The following MBOAT1 variants were observed in gnomAD, a reference collection of about 807,000 sequenced individuals.
MBOAT1 encodes membrane bound glycerophospholipid O-acyltransferase 1.
A neutral mutation model predicts 64.4 loss-of-function variants in MBOAT1; 67 were observed. The ratio of observed to expected loss-of-function variants is 1.04; its 90% confidence interval spans 0.85 to 1.27. MBOAT1 has a LOEUF of 1.27. Among genes scored for constraint, MBOAT1 ranks in the 50% most tolerant of loss-of-function variants. The pLI, the probability that MBOAT1 is intolerant of heterozygous loss-of-function variation, is 0.00. For synonymous variants in MBOAT1, 229 were observed against 218.9 expected (o/e 1.05, Z -0.41); for missense variants, 563 against 604.6 (o/e 0.93, Z 0.72).
At chr6:20,135,630 G>C (rs1038950844) in intron 4 of MBOAT1, among the ~76,000 whole-genome samples, 8 of 152,276 alleles carry the variant, frequency 5.3e-5, no homozygotes, top group African/African-American at 1.9e-4. Context: ...TCGGTTATTG[G>C]TGTCGGAAGA....
At chr6:20,113,420 G>T (rs968689032) in intron 10 of MBOAT1, among the ~76,000 whole-genome samples, 1 of 152,042 alleles carries the variant, frequency 6.6e-6, no homozygotes, top group African/African-American at 2.4e-5. Flanking sequence ...TCGGAATCAG[G>T]GTCTTTAGAA....
At chr6:20,205,304 G>C (rs142012634) in intron 1 of MBOAT1, among the ~76,000 whole-genome samples, 1 of 152,202 alleles carries the variant, frequency 6.6e-6, no homozygotes. Context: ...TATTAACTGA[G>C]AGAATGTATG....
intron 4 of MBOAT1, among the ~76,000 whole-genome samples, chr6:20,137,087 T>G (rs2113669705): frequency 6.6e-6 from 1 of 152,324 alleles, no homozygotes; most frequent in South Asian, 2.1e-4. Flanking sequence ...TTTGATTTCC[T>G]TATGGTAATT....
At chr6:20,181,462 T>C (rs1195151486) in intron 1 of MBOAT1, among the ~76,000 whole-genome samples, 6 of 152,198 alleles carry the variant, frequency 3.9e-5, no homozygotes, top group Non-Finnish European at 7.3e-5. Context: ...GGCCTTTGCG[T>C]CCATCTGTTT....
At chr6:20,150,723 C>A (rs1761467613) in intron 3 of MBOAT1, among the ~76,000 whole-genome samples, 1 of 149,086 alleles carries the variant, frequency 6.7e-6, no homozygotes, top group Non-Finnish European at 1.5e-5. Flanking sequence ...ACCACTACGC[C>A]CAGCTAATTT....
chr6:20,109,817 C>T, intron 11 of MBOAT1, 68 bp from the exon 12 acceptor site: 4 of 1,500,498 alleles, frequency 2.7e-6, no homozygotes, highest in Non-Finnish European at 3.6e-6. Flanking sequence ...TTACTCTGTG[C>T]ATGCAGATAG....
At chr6:20,168,485 CAG>C (rs1395129424) in intron 1 of MBOAT1, among the ~76,000 whole-genome samples, 1 of 106,236 alleles carries the variant, frequency 9.4e-6, no homozygotes, top group African/African-American at 4.4e-5. Flanking sequence ...GAGACAGAGA[CAG>C]AGACAGAGAG....
chr6:20,174,980 T>C (rs1236928700), intron 1 of MBOAT1, among the ~76,000 whole-genome samples: 2 of 152,174 alleles, frequency 1.3e-5, no homozygotes, highest in African/African-American at 4.8e-5. Flanking sequence ...TAATTTACCC[T>C]TGATACACCA....
intron 12 of MBOAT1, among the ~76,000 whole-genome samples, chr6:20,105,519 C>G (rs1759926418): frequency 6.6e-6 from 1 of 152,192 alleles, no homozygotes; most frequent in African/African-American, 2.4e-5. Flanking sequence ...AATCCCAGCA[C>G]TTTGGGAGGC....
At chr6:20,111,161 G>A (rs1760126863) in intron 11 of MBOAT1, among the ~76,000 whole-genome samples, 2 of 152,304 alleles carry the variant, frequency 1.3e-5, no homozygotes, top group Admixed American at 6.5e-5. Flanking sequence ...CTCCTTTGTA[G>A]ATCTTGTGGC....
chr6:20,194,123 C>CAA lies in MBOAT1; in HGVS notation c.99+18011_99+18012dup, dbSNP rs1554122441. ...TACATAAATTGCACAACCAGTGATC[C>CAA]AAAAAAAAAAGCACGCATTTTTAAA... On this transcript the variant is annotated intron_variant, in intron 1 of 12. Transcript: ENST00000324607. Among the ~76,000 whole-genome samples the CAA allele has an allele frequency of 2.8e-4, 43 of 150,928 alleles. No individual in the cohort carries two copies. The South Asian group carries it at 3.1e-3, about 11-fold the overall frequency.
intron 11 of MBOAT1, 65 bp from the exon 12 acceptor site, chr6:20,109,814 G>A: frequency 6.6e-7 from 1 of 1,513,644 alleles, no homozygotes; most frequent in Non-Finnish European, 9.0e-7. Flanking sequence ...CTTTTACTCT[G>A]TGCATGCAGA....
At chr6:20,124,716 C>T (rs1207395586) in intron 7 of MBOAT1, 116 bp from the exon 8 acceptor site, 4 of 865,108 alleles carry the variant, frequency 4.6e-6, no homozygotes, top group Non-Finnish European at 7.2e-6. Flanking sequence ...GCATTATTCC[C>T]CAGAAGGAGT....
At chr6:20,177,462 G>A (rs1466221401) in intron 1 of MBOAT1, among the ~76,000 whole-genome samples, 2 of 152,132 alleles carry the variant, frequency 1.3e-5, no homozygotes, top group African/African-American at 4.8e-5. Context: ...CCAAAATGCT[G>A]GGGTTACAGG....
At chr6:20,143,737 T>C (rs984998333) in intron 4 of MBOAT1, among the ~76,000 whole-genome samples, 2 of 152,122 alleles carry the variant, frequency 1.3e-5, no homozygotes, top group African/African-American at 4.8e-5. Flanking sequence ...AACCTGCACA[T>C]GTACCCCTAA....
intron 1 of MBOAT1, among the ~76,000 whole-genome samples, chr6:20,209,036 G>A (rs1289711336): frequency 1.3e-5 from 2 of 152,218 alleles, no homozygotes; most frequent in African/African-American, 4.8e-5. Context: ...GACAGGAGCA[G>A]ATGATTCCTT....
chr6:20,212,208 G>C lies in MBOAT1; in HGVS notation c.27C>G (p.Ser9Arg), dbSNP rs935726402. MAAEPQPS[S>R]LSYRTTGSTY... The stretch of plus-strand genomic sequence containing the variant: ...TGGAGCCCGTGGTGCGGTAGGAAAG[G>C]CTGGACGGCTGCGGCTCTGCTGCCA... Residue 9 changes from serine to arginine, a missense_variant, in exon 1 of 13, where the codon AGC (serine) becomes AGG (arginine). Physicochemically the swap from Ser to Arg is moderately radical, Grantham distance 110. Coordinates refer to ENST00000324607, the MANE Select transcript of MBOAT1 (RefSeq NM_001080480.3). The C allele has an allele frequency of 4.3e-6, 7 of 1,612,890 alleles. No individual in the cohort carries two copies. Among genetic ancestry groups the C allele is most frequent in the Non-Finnish European group, 5.9e-6 (7 of 1,179,842 alleles).
chr6:20,144,197 T>A (rs767436170), intron 4 of MBOAT1, 23 bp downstream of exon 4: 8 of 1,514,084 alleles, frequency 5.3e-6, no homozygotes, highest in Non-Finnish European at 7.3e-6. Flanking sequence ...GTAAAACCCC[T>A]CTCTCTAATG....
chr6:20,196,350 C>T (rs566637887), intron 1 of MBOAT1, among the ~76,000 whole-genome samples: 1 of 152,130 alleles, frequency 6.6e-6, no homozygotes, highest in African/African-American at 2.4e-5. Flanking sequence ...GTCACAAAGA[C>T]CACATACTGT....
Sources: gnomAD v4.1 joint callset for allele counts (sites outside exome capture counted in the v4.1 genomes callset) on GRCh38, gnomAD v4.1.1 for gene constraint, MANE v1.5 for transcripts, NCBI Gene and HGNC (gene_info 2026-07-23, HGNC 2026-07-21) for gene names.